Variants in LRRC37A2 observed in about 807,000 individuals in gnomAD.
LRRC37A2 encodes leucine-rich repeat-containing protein 37A2.
Under a neutral mutation model 68.8 loss-of-function variants are expected in LRRC37A2, and 9 were observed. The ratio of observed to expected loss-of-function variants is 0.13; its 90% confidence interval spans 0.08 to 0.23. LRRC37A2 has a LOEUF of 0.23. LRRC37A2 is among the 10% of genes least tolerant of loss of function. The pLI, the probability that LRRC37A2 is intolerant of heterozygous loss-of-function variation, is 1.00. For synonymous variants in LRRC37A2, 63 were observed against 367.6 expected (o/e 0.17, Z 9.48); for missense variants, 168 against 950.4 (o/e 0.18, Z 10.82).
the LRRC37A2 span, chr17:46,952,523 A>G: frequency 2.6e-5 from 4 of 152,208 alleles, no homozygotes; most frequent in African/African-American, 9.7e-5. Context: ...CAGGTCACCC[A>G]ATTCTGGTCA....
chr17:46,773,381 C>G, the LRRC37A2 span, among the ~76,000 whole-genome samples: 1 of 152,074 alleles, frequency 6.6e-6, no homozygotes, highest in Non-Finnish European at 1.5e-5. Flanking sequence ...GGAAATGTCA[C>G]AAATGTCCAC....
the LRRC37A2 span, chr17:46,764,058 T>C: frequency 6.6e-6 from 1 of 152,208 alleles, no homozygotes; most frequent in Non-Finnish European, 1.5e-5. Flanking sequence ...GCCACGGACC[T>C]TCCTACCACT....
chr17:46,922,686 G>A, the LRRC37A2 span: 1 of 159,960 alleles, frequency 6.3e-6, no homozygotes, highest in Non-Finnish European at 1.4e-5. Flanking sequence ...TAGGAATGGG[G>A]GGTAGATAGG....
At chr17:46,879,328 G>A in the LRRC37A2 span, among the ~76,000 whole-genome samples, 2 of 152,256 alleles carry the variant, frequency 1.3e-5, no homozygotes, top group Admixed American at 1.3e-4. Flanking sequence ...CTGTCTCGGA[G>A]CTGGTAAGCA....
chr17:46,418,239 G>A, the LRRC37A2 span, among the ~76,000 whole-genome samples: 7 of 66,766 alleles, frequency 1.0e-4, 1 homozygote, highest in Non-Finnish European at 1.8e-4. Flanking sequence ...GTGTGTGCGC[G>A]CGCGCGTGTG....
At chr17:46,755,367 A>T in the LRRC37A2 span, 1 of 1,612,490 alleles carries the variant, frequency 6.2e-7, no homozygotes, top group Non-Finnish European at 8.5e-7. Context: ...GAGAAGAAGG[A>T]GCGTAAGTAC....
chr17:46,857,555 T>G, the LRRC37A2 span, among the ~76,000 whole-genome samples: 1 of 152,024 alleles, frequency 6.6e-6, no homozygotes, highest in African/African-American at 2.4e-5. Context: ...TAAACATCCA[T>G]GTACATCTCT....
the LRRC37A2 span, among the ~76,000 whole-genome samples, chr17:46,819,342 G>A: frequency 6.6e-6 from 1 of 152,290 alleles, no homozygotes; most frequent in East Asian, 1.9e-4. The surrounding 1 kb of genome is among the most constrained non-coding windows in gnomAD (Gnocchi z 5.3). Flanking sequence ...GGACGGAGCC[G>A]AGTGTCATTT....
chr17:46,938,867 C>G, the LRRC37A2 span: 1 of 1,581,642 alleles, frequency 6.3e-7, no homozygotes, highest in Non-Finnish European at 8.6e-7. Context: ...GTTTGCCTGT[C>G]TGAACTGTGA....
the LRRC37A2 span, among the ~76,000 whole-genome samples, chr17:46,766,564 G>A: frequency 3.9e-5 from 6 of 152,110 alleles, no homozygotes; most frequent in African/African-American, 2.4e-5. Flanking sequence ...TTCAGATACC[G>A]ACAAAGGTAG....
chr17:46,754,430 G>A, the LRRC37A2 span, among the ~76,000 whole-genome samples: 2 of 152,070 alleles, frequency 1.3e-5, no homozygotes, highest in Admixed American at 6.5e-5. Flanking sequence ...AGTTATTCCT[G>A]GAGGGCAGGG....
the LRRC37A2 span, among the ~76,000 whole-genome samples, chr17:46,786,562 T>C: frequency 3.3e-5 from 5 of 152,234 alleles, no homozygotes; most frequent in African/African-American, 1.2e-4. Flanking sequence ...GGGGAGCAGC[T>C]CCCAAGGACA....
At chr17:46,819,648 C>T in the LRRC37A2 span, among the ~76,000 whole-genome samples, 1 of 152,226 alleles carries the variant, frequency 6.6e-6, no homozygotes, top group South Asian at 2.1e-4. The surrounding 1 kb of genome is among the most constrained non-coding windows in gnomAD (Gnocchi z 5.3). Flanking sequence ...GACCGTCCCG[C>T]CTGAGGCCCC....
At chr17:46,907,689 C>A in the LRRC37A2 span, among the ~76,000 whole-genome samples, 111,642 of 123,814 alleles carry the variant, frequency 0.9, 51,069 homozygotes, top group East Asian at 1. Flanking sequence ...AAAAAAAAAA[C>A]AAAAAACCCA....
At chr17:46,527,617 GTCTTC>G (rs1350783498) in intron 6 of LRRC37A2, among the ~76,000 whole-genome samples, 1 of 93,486 alleles carries the variant, frequency 1.1e-5, no homozygotes, top group African/African-American at 4.5e-5. Flanking sequence ...GTAACAAGCT[GTCTTC>G]TCTTCTCACA....
the LRRC37A2 span, among the ~76,000 whole-genome samples, chr17:46,884,729 A>G: frequency 6.6e-6 from 1 of 152,186 alleles, no homozygotes; most frequent in African/African-American, 2.4e-5. Context: ...ACCGGGGCTC[A>G]GAGGGGTTAG....
chr17:46,763,400 A>G, the LRRC37A2 span: 2 of 152,178 alleles, frequency 1.3e-5, no homozygotes, highest in African/African-American at 2.4e-5. Context: ...TGAACTTCTA[A>G]TCCAGATCCT....
chr17:46,983,400 G>A, the LRRC37A2 span, among the ~76,000 whole-genome samples: 1 of 150,120 alleles, frequency 6.7e-6, no homozygotes, highest in Non-Finnish European at 1.5e-5. Flanking sequence ...AGGTTCAAGT[G>A]AGGCCTGCCT....
At chr17:46,758,271 A>G in the LRRC37A2 span, among the ~76,000 whole-genome samples, 41 of 152,242 alleles carry the variant, frequency 2.7e-4, no homozygotes, top group Non-Finnish European at 5.6e-4. Context: ...CAGAAAGTCC[A>G]CAAGGCCCTG....
Sources: allele counts gnomAD v4.1 joint callset (sites outside exome capture counted in the v4.1 genomes callset), GRCh38; gene constraint gnomAD v4.1.1; non-coding constraint Gnocchi (gnomAD v3.1); transcripts MANE v1.5; gene names NCBI Gene and HGNC (gene_info 2026-07-23, HGNC 2026-07-21).